Variants in CSMD1 observed in about 807,000 individuals in gnomAD.
The protein encoded by CSMD1 is CUB and Sushi multiple domains 1.
CSMD1 carries 213 observed loss-of-function variants against 417.5 expected under a neutral mutation model. The observed-to-expected ratio is 0.51, with a 90% CI of 0.46 to 0.57. The LOEUF (loss-of-function observed/expected upper bound fraction) is 0.57, where lower values mean the gene tolerates loss of function less well. Ranked by LOEUF, CSMD1 falls within the 20% of genes least tolerant of loss-of-function variation. The pLI, the probability that CSMD1 is intolerant of heterozygous loss-of-function variation, is 0.00. For missense variants in CSMD1, 6,923 were observed against 4,529.7 expected (o/e 1.53, Z -15.17); for synonymous variants, 2,862 against 1,736.8 (o/e 1.65, Z -16.11).
At chr8:4,747,097 G>T (rs914272640) in intron 1 of CSMD1, among the ~76,000 whole-genome samples, 1 of 152,186 alleles carries the variant, frequency 6.6e-6, no homozygotes, top group Non-Finnish European at 1.5e-5. Context: ...CACGACACAG[G>T]AATGGCAGGT....
intron 11 of CSMD1, among the ~76,000 whole-genome samples, chr8:3,476,880 T>A (rs564747418): frequency 1.5e-5 from 2 of 137,386 alleles, no homozygotes; most frequent in South Asian, 4.5e-4. Flanking sequence ...ACCGTGTCAC[T>A]GCACCCTGAG....
intron 5 of CSMD1, among the ~76,000 whole-genome samples, chr8:3,930,742 T>C (rs1431707424): frequency 6.6e-6 from 1 of 150,450 alleles, no homozygotes; most frequent in African/African-American, 2.5e-5. Context: ...TAAATTTATG[T>C]TCAAGTGCTA....
intron 3 of CSMD1, among the ~76,000 whole-genome samples, chr8:4,311,767 A>G (rs8181005): frequency 0.22 from 33,210 of 148,958 alleles, 4,627 homozygotes; most frequent in East Asian, 0.78. Context: ...GAGAGTTCAT[A>G]GAGGGGAACA....
chr8:2,937,274 T>C lies in CSMD1; in HGVS notation c.*1311A>G, dbSNP rs1801546065. The C allele has an allele frequency of 1.3e-5, 2 of 152,160 alleles. No individual in the cohort carries two copies. Among genetic ancestry groups the C allele is most frequent in the Admixed American group, 1.3e-4 (2 of 15,284 alleles). The allele number at this position is 152,160 out of a possible 1,614,324, so 9.4% of individuals were successfully genotyped here. Reference sequence around the variant, plus strand: ...AAGCATGAAACAAATAACAAATGAATGTATAAAATATATCATTGTGAGAGG... The same window carrying C: ...AAGCATGAAACAAATAACAAATGAACGTATAAAATATATCATTGTGAGAGG... On this transcript the variant is annotated 3_prime_UTR_variant, in exon 70 of 70. Coordinates refer to ENST00000635120, the MANE Select transcript of CSMD1 (RefSeq NM_033225.6).
intron 1 of CSMD1, among the ~76,000 whole-genome samples, chr8:4,849,128 G>C (rs1023119697): frequency 1.3e-5 from 2 of 152,068 alleles, no homozygotes; most frequent in Admixed American, 6.5e-5. Flanking sequence ...GTAAGTCTAG[G>C]CTAATGTGCG....
At chr8:3,563,660 G>C (rs547719748) in intron 10 of CSMD1, among the ~76,000 whole-genome samples, 2 of 152,226 alleles carry the variant, frequency 1.3e-5, no homozygotes, top group African/African-American at 4.8e-5. Flanking sequence ...GGAGGCTGAG[G>C]CGGGTGGATC....
chr8:3,496,412 A>G (rs1381365790), intron 10 of CSMD1, among the ~76,000 whole-genome samples: 6 of 152,340 alleles, frequency 3.9e-5, no homozygotes, highest in South Asian at 2.1e-4. Flanking sequence ...TCAACCTACA[A>G]GAACTCACTG....
At chr8:3,255,840 T>A (rs548425494) in intron 26 of CSMD1, among the ~76,000 whole-genome samples, 8 of 152,288 alleles carry the variant, frequency 5.3e-5, no homozygotes, top group African/African-American at 1.7e-4. Context: ...CTCATCCTGC[T>A]TTGGCTCACA....
chr8:4,045,251 G>A (rs749768024), intron 3 of CSMD1, among the ~76,000 whole-genome samples: 3 of 152,320 alleles, frequency 2.0e-5, no homozygotes, highest in South Asian at 4.1e-4. Flanking sequence ...AGGAGCAGAA[G>A]TGAGACAAAG....
At chr8:3,575,916 A>T (rs556221028) in intron 9 of CSMD1, among the ~76,000 whole-genome samples, 1 of 152,024 alleles carries the variant, frequency 6.6e-6, no homozygotes, top group Non-Finnish European at 1.5e-5. Context: ...TTTAACATTC[A>T]TAATTTAAAC....
intron 26 of CSMD1, among the ~76,000 whole-genome samples, chr8:3,241,128 A>G (rs1273394427): frequency 1.4e-4 from 21 of 151,644 alleles, no homozygotes; most frequent in African/African-American, 2.2e-4. Flanking sequence ...CGGCAATGAG[A>G]TGTAGCTGTA....
intron 1 of CSMD1, among the ~76,000 whole-genome samples, chr8:4,962,096 A>C (rs1809529659): frequency 7.9e-6 from 1 of 126,220 alleles, no homozygotes; most frequent in Non-Finnish European, 1.6e-5. Context: ...CATGCATGTA[A>C]GTATGTATTT....
At chr8:3,555,235 A>G (rs116861149) in intron 10 of CSMD1, among the ~76,000 whole-genome samples, 4,120 of 151,646 alleles carry the variant, frequency 0.027, 75 homozygotes, top group Non-Finnish European at 0.04. Context: ...TGCTTGTGAA[A>G]TGTGACAGGG....
At chr8:4,711,335 T>C (rs1434639882) in intron 1 of CSMD1, among the ~76,000 whole-genome samples, 1 of 152,198 alleles carries the variant, frequency 6.6e-6, no homozygotes, top group Non-Finnish European at 1.5e-5. Context: ...AACCTTTGTT[T>C]TGACTATTTA....
At chr8:3,375,680 C>A (rs1222547296) in intron 18 of CSMD1, among the ~76,000 whole-genome samples, 1 of 152,148 alleles carries the variant, frequency 6.6e-6, no homozygotes, top group African/African-American at 2.4e-5. Context: ...AGTCCAGCTG[C>A]ATAGGAGAGA....
chr8:3,860,172 C>T (rs1163086035), intron 5 of CSMD1, among the ~76,000 whole-genome samples: 1 of 152,092 alleles, frequency 6.6e-6, no homozygotes, highest in African/African-American at 2.4e-5. Flanking sequence ...ATAGAGCAGG[C>T]AGTAGAAAGT....
rs1391537271 is a variant in CSMD1 at position 4,972,478 on chromosome 8, C to T, written c.85+21854G>A. 2.0e-5 allele frequency among the ~76,000 whole-genome samples: 3 copies of T among 152,100 alleles called. No homozygotes were observed. The East Asian group carries it at 5.8e-4, about 29-fold the overall frequency. Reference sequence around the variant, plus strand: ...TTCCTGTGTTCATTCTCCTTCCTGCCATCTTGTGAAGAAGGTGCCTGACTT... The same window carrying T: ...TTCCTGTGTTCATTCTCCTTCCTGCTATCTTGTGAAGAAGGTGCCTGACTT... On this transcript the variant is annotated intron_variant, in intron 1 of 69. Coordinates refer to ENST00000635120, the MANE Select transcript of CSMD1 (RefSeq NM_033225.6).
At chr8:3,736,695 G>T (rs1163009968) in intron 6 of CSMD1, among the ~76,000 whole-genome samples, 1 of 152,166 alleles carries the variant, frequency 6.6e-6, no homozygotes, top group Non-Finnish European at 1.5e-5. Context: ...GAATGGAGCT[G>T]GGGATAAGGA....
chr8:3,773,822 C>G (rs537414179), intron 5 of CSMD1, among the ~76,000 whole-genome samples: 110 of 152,076 alleles, frequency 7.2e-4, no homozygotes, highest in Non-Finnish European at 1.4e-3. Flanking sequence ...TTCAACAAGT[C>G]GTTTTCACTC....
Sources: gnomAD v4.1 joint callset for allele counts (sites outside exome capture counted in the v4.1 genomes callset) on GRCh38, gnomAD v4.1.1 for gene constraint, MANE v1.5 for transcripts, NCBI Gene and HGNC (gene_info 2026-07-23, HGNC 2026-07-21) for gene names.